Variants in PSORS1C1 observed in about 807,000 individuals in gnomAD.
PSORS1C1 encodes psoriasis susceptibility 1 candidate 1.
PSORS1C1 carries 7 observed loss-of-function variants against 9.4 expected under a neutral mutation model. The observed-to-expected ratio is 0.75, with a 90% CI of 0.42 to 1.40. The LOEUF (loss-of-function observed/expected upper bound fraction) is 1.40. PSORS1C1 is among the 40% of genes most tolerant of loss of function. The pLI is 0.01. For missense variants in PSORS1C1, 146 were observed against 178.1 expected, an observed-to-expected ratio of 0.82 and a Z score of 1.02; for synonymous variants, 63 against 69.4, an observed-to-expected ratio of 0.91 and a Z score of 0.46.
intron 3 of PSORS1C1, chr6:31,138,045 T>G: frequency 6.5e-7 from 1 of 1,533,002 alleles, no homozygotes; most frequent in Non-Finnish European, 8.8e-7. Flanking sequence ...TTCTGGGGGC[T>G]GGGGTCCTGC....
At chr6:31,138,809 G>A in intron 5 of PSORS1C1, 30 bp downstream of exon 5, 1 of 1,613,798 alleles carries the variant, frequency 6.2e-7, no homozygotes, top group East Asian at 2.2e-5. Flanking sequence ...TCTGCACCAT[G>A]TCCCCCACCC....
At chr6:31,126,705 T>G (rs9263703) in intron 2 of PSORS1C1, among the ~76,000 whole-genome samples, 37,049 of 152,150 alleles carry the variant, frequency 0.24, 4,862 homozygotes, top group Middle Eastern at 0.37. Flanking sequence ...AGAGCCAGGC[T>G]CACCTTTGGC....
chr6:31,116,727 G>A (rs1283418682), intron 1 of PSORS1C1: 7 of 1,612,742 alleles, frequency 4.3e-6, no homozygotes, highest in South Asian at 1.1e-5. Context: ...CCACCACCTC[G>A]TAGCCACCAT....
rs201665595 is a variant in PSORS1C1 at position 31,118,837 on chromosome 6, C to CTTTTTTTTTTTTTTT, written c.-229+3948_-229+3949insTTTTTTTTTTTTTTT. 77 of 92,470 alleles carry CTTTTTTTTTTTTTTT rather than the reference C, an allele frequency of 8.3e-4. 14 individuals are homozygous for CTTTTTTTTTTTTTTT. Among genetic ancestry groups the CTTTTTTTTTTTTTTT allele is most frequent in the African/African-American group, 1.4e-3 (31 of 22,036 alleles). 5.7% of individuals were successfully genotyped at this position (92,470 alleles called of 1,614,324 possible). Reference sequence around the variant, plus strand: ...ATCATCCACCTGGAAGTTTTTTCTTCTTCTTCTTTTTTTTTTTTTTTTTTG... The same window carrying CTTTTTTTTTTTTTTT: ...ATCATCCACCTGGAAGTTTTTTCTTCTTTTTTTTTTTTTTTTTCTTCTTTTTTTTTTTTTTTTTTG... On this transcript the variant is annotated intron_variant, in intron 1 of 5. Transcript: ENST00000259881.
At chr6:31,126,175 T>G (rs1276465789) in intron 2 of PSORS1C1, among the ~76,000 whole-genome samples, 1 of 152,216 alleles carries the variant, frequency 6.6e-6, no homozygotes, top group Non-Finnish European at 1.5e-5. Flanking sequence ...TCCTCACGGG[T>G]GACTGTCTCC....
rs1772072808 is a variant in PSORS1C1, at chr6:31,115,716, T to C, written c.-229+825T>C. On this transcript the variant is annotated intron_variant, in intron 1 of 5. Coordinates refer to ENST00000259881, the MANE Select transcript of PSORS1C1 (RefSeq NM_014068.3). The surrounding 1 kb of genome is among the most constrained non-coding windows in gnomAD (Gnocchi z 4.2). ...GATGGGGGTGTTACTCAATGGACCA[T>C]TTCCACACAGTAGAGGGAATTGTAA... 6.7e-6 allele frequency: 3 copies of C among 445,104 alleles called. No homozygotes were observed. Among genetic ancestry groups the C allele is most frequent in the South Asian group, 1.0e-4 (2 of 19,496 alleles). The allele number at this position is 445,104 out of a possible 1,614,324, so 27.6% of individuals were successfully genotyped here.
chr6:31,120,902 C>CCCCCT (rs1772426867), intron 1 of PSORS1C1, among the ~76,000 whole-genome samples: 1 of 149,768 alleles, frequency 6.7e-6, no homozygotes, highest in Admixed American at 6.7e-5. Flanking sequence ...CCACCCAACC[C>CCCCCT]CAATGAGGTC....
intron 1 of PSORS1C1, chr6:31,116,601 G>A: frequency 2.5e-6 from 4 of 1,613,570 alleles, no homozygotes; most frequent in African/African-American, 1.3e-5. Flanking sequence ...CAGCTGCAAA[G>A]GAAGGGACCC....
intron 3 of PSORS1C1, among the ~76,000 whole-genome samples, chr6:31,131,123 CG>C (rs1772892412): frequency 6.6e-6 from 1 of 152,184 alleles, no homozygotes. Flanking sequence ...AATTTTCCCC[CG>C]ACCTGTCTCT....
chr6:31,137,005 G>A (rs961689987), intron 3 of PSORS1C1, among the ~76,000 whole-genome samples: 9 of 151,448 alleles, frequency 5.9e-5, no homozygotes, highest in Non-Finnish European at 2.9e-5. Flanking sequence ...AAAATTAGCC[G>A]GGCATGGTGG....
At chr6:31,117,414 G>A (rs1250956048) in intron 1 of PSORS1C1, 2 of 1,565,782 alleles carry the variant, frequency 1.3e-6, no homozygotes, top group African/African-American at 1.4e-5. Context: ...AGCCACTGTA[G>A]CTACTGAAAC....
intron 3 of PSORS1C1, chr6:31,137,661 G>A: frequency 2.8e-6 from 1 of 359,522 alleles, no homozygotes; most frequent in Non-Finnish European, 5.0e-6. Context: ...CGATCGCGCG[G>A]GCAGGAAGAC....
At chr6:31,117,197 G>A in intron 1 of PSORS1C1, 4 of 1,613,216 alleles carry the variant, frequency 2.5e-6, no homozygotes, top group Non-Finnish European at 3.4e-6. Flanking sequence ...TTTCCCGAGT[G>A]AGAGCTGCTG....
chr6:31,116,374 G>C, intron 1 of PSORS1C1: 2 of 1,609,116 alleles, frequency 1.2e-6, no homozygotes, highest in Non-Finnish European at 1.7e-6. Flanking sequence ...ACTGCCGCAG[G>C]GATGGTAGGG....
rs879781820 is a variant in PSORS1C1, at chr6:31,139,455, G to C, written c.168-186G>C. On this transcript the variant is annotated intron_variant, in intron 5 of 5. Coordinates refer to ENST00000259881, the MANE Select transcript of PSORS1C1 (RefSeq NM_014068.3). The surrounding 1 kb of genome is among the most constrained non-coding windows in gnomAD (Gnocchi z 5.2). ...CCGTAATTACAGGGTTGGGAGGCAG[G>C]ATGCCTGCGCTGAGGGAGGAGGTGC... 5 of 611,908 alleles carry C rather than the reference G, an allele frequency of 8.2e-6. No homozygotes were observed. The highest frequency in any genetic ancestry group is 2.8e-5 in the East Asian group (1 of 36,336). 37.9% of individuals were successfully genotyped at this position (611,908 alleles called of 1,614,324 possible).
chr6:31,116,165 T>A, intron 1 of PSORS1C1: 1 of 1,611,798 alleles, frequency 6.2e-7, no homozygotes, highest in Non-Finnish European at 8.5e-7. Flanking sequence ...CCACAGGGCT[T>A]GGCACCAGCG....
chr6:31,115,728 A>C lies in PSORS1C1; in HGVS notation c.-229+837A>C. The C allele has an allele frequency of 2.1e-6, 1 of 483,536 alleles. No individual in the cohort carries two copies. The highest frequency in any genetic ancestry group is 3.8e-5 in the South Asian group (1 of 26,402). The allele number at this position is 483,536 out of a possible 1,614,324, so 30.0% of individuals were successfully genotyped here. On this transcript the variant is annotated intron_variant, in intron 1 of 5. Coordinates refer to ENST00000259881, the MANE Select transcript of PSORS1C1 (RefSeq NM_014068.3). This position sits in a 1 kb window ranked among gnomAD's most constrained non-coding sequence, Gnocchi z 4.2. ...ACTCAATGGACCATTTCCACACAGT[A>C]GAGGGAATTGTAAGGGGTGGTGATC...
intron 5 of PSORS1C1, 168 bp downstream of exon 5, chr6:31,138,947 G>A: frequency 6.2e-7 from 1 of 1,613,182 alleles, no homozygotes; most frequent in South Asian, 1.1e-5. Flanking sequence ...CCAAACTGCA[G>A]TCCCTGCCTC....
intron 3 of PSORS1C1, among the ~76,000 whole-genome samples, chr6:31,136,173 G>C (rs1487320955): frequency 6.6e-6 from 1 of 152,070 alleles, no homozygotes; most frequent in East Asian, 1.9e-4. Context: ...GATCCCATGA[G>C]ATCAGGAATT....
Sources: gnomAD v4.1 joint callset for allele counts (sites outside exome capture counted in the v4.1 genomes callset) on GRCh38, gnomAD v4.1.1 for gene constraint, Gnocchi (gnomAD v3.1) non-coding constraint, MANE v1.5 for transcripts, NCBI Gene and HGNC (gene_info 2026-07-23, HGNC 2026-07-21) for gene names.